The following KCNMB2 variants were observed in gnomAD, a reference collection of about 807,000 sequenced individuals.
KCNMB2 encodes potassium calcium-activated channel subfamily M regulatory beta subunit 2, also known as calcium-activated potassium channel subunit beta-2.
In KCNMB2, 9 loss-of-function variants were observed where a neutral mutation model predicts 24.5. The observed-to-expected ratio is 0.37, with a 90% confidence interval of 0.22 to 0.64. The LOEUF is 0.64. Among genes scored for constraint, KCNMB2 ranks in the 30% least tolerant of loss-of-function variants. The probability of loss-of-function intolerance (pLI) is 0.63; values close to 1 mark genes in which losing one functional copy is unlikely to be tolerated. For synonymous variants in KCNMB2, 109 were observed against 104.4 expected, an observed-to-expected ratio of 1.04 and a Z score of -0.27; for missense variants, 226 against 284.3, an observed-to-expected ratio of 0.79 and a Z score of 1.47.
At chr3:178,727,038 C>T (rs1454664072) in intron 1 of KCNMB2, among the ~76,000 whole-genome samples, 2 of 152,078 alleles carry the variant, frequency 1.3e-5, no homozygotes, top group Admixed American at 6.6e-5. Context: ...CTGCCTCCCT[C>T]GTCAGGCTGC....
intron 1 of KCNMB2, among the ~76,000 whole-genome samples, chr3:178,687,970 T>G (rs1721524591): frequency 6.6e-6 from 1 of 152,164 alleles, no homozygotes; most frequent in African/African-American, 2.4e-5. Context: ...GGGTCCACTG[T>G]TACTAAGGTA....
chr3:178,622,654 G>T (rs553406045), intron 1 of KCNMB2, among the ~76,000 whole-genome samples: 2 of 152,280 alleles, frequency 1.3e-5, no homozygotes, highest in African/African-American at 4.8e-5. Flanking sequence ...TCTGAACCTT[G>T]ATCTTGCTGT....
intron 1 of KCNMB2, among the ~76,000 whole-genome samples, chr3:178,628,942 G>A (rs1411254332): frequency 1.3e-5 from 2 of 152,026 alleles, no homozygotes; most frequent in Non-Finnish European, 2.9e-5. Flanking sequence ...TAAGACCTCT[G>A]TCTACTTAAA....
Position 178,785,465 on chromosome 3 carries a change from T to G in KCNMB2, c.-67-21878T>G, listed in dbSNP as rs1002322288. On this transcript the variant is annotated intron_variant, in intron 1 of 4. Coordinates refer to ENST00000452583, the MANE Select transcript of KCNMB2 (RefSeq NM_181361.3). ...AAAATATAGTATTACAAACATAATA[T>G]TTCAAATATAACATGACAAATAATA... Among the ~76,000 whole-genome samples, 6 of 152,110 alleles carry G rather than the reference T, an allele frequency of 3.9e-5. No individual in the cohort carries two copies. The East Asian group carries it at 1.2e-3, about 29-fold the overall frequency.
At chr3:178,614,309 ATG>A (rs1425444035) in intron 1 of KCNMB2, among the ~76,000 whole-genome samples, 4 of 116,326 alleles carry the variant, frequency 3.4e-5, no homozygotes, top group East Asian at 5.1e-4. Context: ...ATGTATATAT[ATG>A]TATGTGTATA....
At chr3:178,607,776 A>G (rs772517040) in intron 1 of KCNMB2, among the ~76,000 whole-genome samples, 2 of 152,144 alleles carry the variant, frequency 1.3e-5, no homozygotes, top group Non-Finnish European at 2.9e-5. Flanking sequence ...AGTATCTAAC[A>G]TAAGTAATTT....
chr3:178,670,593 C>A (rs1720867922), intron 1 of KCNMB2, among the ~76,000 whole-genome samples: 1 of 152,096 alleles, frequency 6.6e-6, no homozygotes, highest in Non-Finnish European at 1.5e-5. Flanking sequence ...CAACAGAAGG[C>A]CTCAATCCTT....
intron 1 of KCNMB2, among the ~76,000 whole-genome samples, chr3:178,734,221 A>AT (rs1161501988): frequency 6.6e-6 from 1 of 152,150 alleles, no homozygotes; most frequent in African/African-American, 2.4e-5. Flanking sequence ...TTTAGACAAT[A>AT]TTTTTTACTA....
chr3:178,678,728 G>A (rs530714337), intron 1 of KCNMB2, among the ~76,000 whole-genome samples: 43 of 152,274 alleles, frequency 2.8e-4, no homozygotes, highest in Admixed American at 1.3e-3. Context: ...TGTATTCAAT[G>A]GGCAAAGCAT....
At chr3:178,706,212 A>T (rs141666820) in intron 1 of KCNMB2, among the ~76,000 whole-genome samples, 1 of 152,092 alleles carries the variant, frequency 6.6e-6, no homozygotes, top group African/African-American at 2.4e-5. Flanking sequence ...ATCTTCCACA[A>T]AGTACTGAGT....
At chr3:178,551,685 C>G (rs1715957611) in intron 1 of KCNMB2, among the ~76,000 whole-genome samples, 1 of 152,076 alleles carries the variant, frequency 6.6e-6, no homozygotes, top group Non-Finnish European at 1.5e-5. Flanking sequence ...GCTTGTGAGC[C>G]CTTATTAAGT....
Position 178,793,946 on chromosome 3 carries a change from A to G in KCNMB2, c.-67-13397A>G, listed in dbSNP as rs527990476. ...AACAAACAAGCAGAGACCTTTCTGC[A>G]CTGAGCTGCCATCTGAAGGGATATC... On this transcript the variant is annotated intron_variant, in intron 1 of 4. Coordinates refer to ENST00000452583, the MANE Select transcript of KCNMB2 (RefSeq NM_181361.3). 2.6e-5 allele frequency among the ~76,000 whole-genome samples: 4 copies of G among 152,274 alleles called. No homozygotes were observed. The South Asian group carries it at 8.3e-4, about 32-fold the overall frequency.
At chr3:178,639,397 A>T (rs1256478920) in intron 1 of KCNMB2, among the ~76,000 whole-genome samples, 1 of 152,142 alleles carries the variant, frequency 6.6e-6, no homozygotes, top group Non-Finnish European at 1.5e-5. Context: ...TGATCACTAT[A>T]CTGTACTGTC....
rs557950168 is a variant in KCNMB2 at position 178,761,753 on chromosome 3, T to TA, written c.-67-45582dup. On this transcript the variant is annotated intron_variant, in intron 1 of 4. Transcript: ENST00000452583. ...TATGCCAAGCACTGAAGAAAAGCTA[T>TA]AAAAAAAATATAGACAATGTCCCTA... Among the ~76,000 whole-genome samples the TA allele has an allele frequency of 4.6e-5, 7 of 152,054 alleles. No homozygotes were observed. The East Asian group carries it at 5.8e-4, about 13-fold the overall frequency.
At chr3:178,549,474 C>CTTTTTTTTTT (rs1237618463) in intron 1 of KCNMB2, among the ~76,000 whole-genome samples, 459 of 94,628 alleles carry the variant, frequency 4.9e-3, no homozygotes, top group African/African-American at 9.8e-3. Context: ...CAATGCCCAG[C>CTTTTTTTTTT]TTTTTTTTTT....
chr3:178,696,481 TTC>T (rs1461026576), intron 1 of KCNMB2, among the ~76,000 whole-genome samples: 1 of 152,196 alleles, frequency 6.6e-6, no homozygotes, highest in Non-Finnish European at 1.5e-5. Flanking sequence ...TTTGAATCTT[TTC>T]TCTTTTGTTC....
At chr3:178,630,058 C>T (rs1719260263) in intron 1 of KCNMB2, among the ~76,000 whole-genome samples, 1 of 152,192 alleles carries the variant, frequency 6.6e-6, no homozygotes, top group African/African-American at 2.4e-5. Flanking sequence ...GAAGAACTCA[C>T]CCTGCCCCAG....
chr3:178,586,638 G>A (rs113096533), intron 1 of KCNMB2, among the ~76,000 whole-genome samples: 209 of 125,940 alleles, frequency 1.7e-3, no homozygotes, highest in African/African-American at 5.7e-3. Flanking sequence ...TCCGCCTCCC[G>A]GGTTCAAGTG....
intron 1 of KCNMB2, among the ~76,000 whole-genome samples, chr3:178,542,807 G>C (rs954604294): frequency 6.6e-6 from 1 of 152,156 alleles, no homozygotes; most frequent in Non-Finnish European, 1.5e-5. Context: ...TAGACACGCT[G>C]TATAATGGAG....
Sources: allele counts gnomAD v4.1 joint callset (sites outside exome capture counted in the v4.1 genomes callset), GRCh38; gene constraint gnomAD v4.1.1; transcripts MANE v1.5; gene names NCBI Gene and HGNC (gene_info 2026-07-23, HGNC 2026-07-21).